Variants in IZUMO1 observed in about 807,000 individuals in gnomAD.
The protein encoded by IZUMO1 is izumo sperm-oocyte fusion 1.
IZUMO1 carries 44 observed loss-of-function variants against 40.7 expected under a neutral mutation model. That is an observed-to-expected ratio of 1.08 (90% CI 0.85 to 1.39). The LOEUF (loss-of-function observed/expected upper bound fraction) is 1.39, where lower values mean the gene tolerates loss of function less well. IZUMO1 is among the 40% of genes most tolerant of loss of function. The pLI, the probability that IZUMO1 is intolerant of heterozygous loss-of-function variation, is 0.00. For missense variants in IZUMO1, 368 were observed against 436.9 expected (o/e 0.84, Z 1.41); for synonymous variants, 149 against 170.9 (o/e 0.87, Z 1.00).
At position 48,741,224 on chromosome 19, in the gene IZUMO1, C is replaced by T. The variant is rs2033677471; in HGVS notation, c.932+77G>A. 3 of 1,470,814 alleles carry T rather than the reference C, an allele frequency of 2.0e-6. No homozygotes were observed. The highest frequency in any genetic ancestry group is 2.7e-6 in the Non-Finnish European group (3 of 1,103,986). The allele number at this position is 1,470,814 out of a possible 1,614,324, so 91.1% of individuals were successfully genotyped here. ...CTCTCAGGCCTCAGTAGCCCCCAGA[C>T]CAGCTTCTGTGTTGGGTTCCTGGAA... On this transcript the variant is annotated intron_variant, in intron 9 of 9. Transcript: ENST00000332955. The surrounding 1 kb of genome is among the most constrained non-coding windows in gnomAD (Gnocchi z 4.4).
Position 48,741,978 on chromosome 19 carries a change from G to T in IZUMO1, c.601-36C>A, listed in dbSNP as rs780482806. On this transcript the variant is annotated intron_variant, in intron 7 of 9. Coordinates refer to ENST00000332955, the MANE Select transcript of IZUMO1 (RefSeq NM_182575.3). The surrounding 1 kb of genome is among the most constrained non-coding windows in gnomAD (Gnocchi z 4.4). ...GCTCAAGGGGTCACTGAGGCCTGAG[G>T]AATTCAGGGGTTGGGGGAGTACAGG... 6.4e-7 allele frequency: 1 copy of T among 1,561,274 alleles called. No individual in the cohort carries two copies. The highest frequency in any genetic ancestry group is 8.7e-7 in the Non-Finnish European group (1 of 1,149,156).
chr19:48,741,002 T>C lies in IZUMO1; in HGVS notation c.959A>G (p.Asp320Gly). The change falls in exon 10 of 10, where the codon GAT becomes GGT. Residue 320 changes from aspartate to glycine, a missense_variant. Transcript: ENST00000332955. The surrounding 1 kb of genome is among the most constrained non-coding windows in gnomAD (Gnocchi z 4.4). ...GCCAAACAGTGAGGATTTGATGAAA[T>C]CGATCACCTTCCTTCGACGAAATAT... ...FAIFRRRKVI[D>G]FIKSSLFGLG... is the part of the protein sequence containing the mutation. 1 of 1,614,028 alleles carries C rather than the reference T, an allele frequency of 6.2e-7. No individual in the cohort carries two copies. The highest frequency in any genetic ancestry group is 8.5e-7 in the Non-Finnish European group (1 of 1,179,998).
Position 48,741,727 on chromosome 19 carries a change from C to A in IZUMO1, c.754+62G>T. ...CCCCATCGCCAAGGCCACGCCCCCG[C>A]CGCGGACCCCAGCTTTCCTGGGCCC... is the stretch of plus-strand genomic sequence containing the variant. On this transcript the variant is annotated intron_variant, in intron 8 of 9. Coordinates refer to ENST00000332955, the MANE Select transcript of IZUMO1 (RefSeq NM_182575.3). The surrounding 1 kb of genome is among the most constrained non-coding windows in gnomAD (Gnocchi z 4.4). 1.3e-6 allele frequency: 2 copies of A among 1,498,852 alleles called. No homozygotes were observed. Among genetic ancestry groups the A allele is most frequent in the Non-Finnish European group, 8.9e-7 (1 of 1,120,844 alleles). The allele number at this position is 1,498,852 out of a possible 1,614,324, so 92.8% of individuals were successfully genotyped here. A position where few individuals can be genotyped will look rare whatever the true frequency, so the allele number is the denominator to read the frequency against.
intron 6 of IZUMO1, chr19:48,743,235 C>G: frequency 1.7e-6 from 1 of 582,328 alleles, no homozygotes; most frequent in Admixed American, 3.0e-5. Context: ...GCTATGTTGC[C>G]CAGGCTGGTC....
intron 1 of IZUMO1, 152 bp from the exon 2 acceptor site, chr19:48,746,084 G>A (rs1458828476): frequency 3.6e-6 from 5 of 1,395,294 alleles, no homozygotes; most frequent in Non-Finnish European, 3.7e-6. Context: ...GTGAAACTGA[G>A]CCCCAATCCA....
intron 7 of IZUMO1, 46 bp downstream of exon 7, chr19:48,742,163 A>G (rs1282790358): frequency 6.6e-7 from 1 of 1,515,952 alleles, no homozygotes; most frequent in East Asian, 2.3e-5. Flanking sequence ...GAACACAAGT[A>G]TTGTAGTCTA....
intron 6 of IZUMO1, among the ~76,000 whole-genome samples, chr19:48,742,715 TTC>T (rs1293603180): frequency 2.8e-5 from 4 of 142,298 alleles, no homozygotes; most frequent in African/African-American, 7.9e-5. Context: ...TCTCTTTTCT[TTC>T]TCTCTCTCTT....
In IZUMO1 at chr19:48,743,228, A is replaced by AT. The variant is rs1234913130; in HGVS notation, c.499+216dup. 1.6e-5 allele frequency: 9 copies of AT among 574,352 alleles called. No individual in the cohort carries two copies. In the East Asian group the frequency reaches 2.6e-4, roughly 17 times the overall value. The allele number at this position is 574,352 out of a possible 1,614,324, so 35.6% of individuals were successfully genotyped here. ...TTTTTTGTAGAGATAGAGTCTCGCT[A>AT]TGTTGCCCAGGCTGGTCTCAAACTC... On this transcript the variant is annotated intron_variant, in intron 6 of 9. Transcript: ENST00000332955.
At chr19:48,743,714 C>T (rs912464909) in intron 5 of IZUMO1, 189 bp from the exon 6 acceptor site, 14 of 604,614 alleles carry the variant, frequency 2.3e-5, no homozygotes, top group Non-Finnish European at 3.5e-5. Context: ...AAGTAGAGGC[C>T]GGATGCGGTG....
At position 48,743,454 on chromosome 19, in the gene IZUMO1, C is replaced by G. The variant is rs770680743; in HGVS notation, c.490G>C (p.Asp164His). The part of the protein sequence containing the change: ...KEVHACRKSY[D>H]CGERNVEVPQ... ...GGTCCAGTTCTCTCACCCCCGCAATCGTAGGACTTTCGACAAGCGTGAACC... is the reference window on the plus strand; with the variant it reads ...GGTCCAGTTCTCTCACCCCCGCAATGGTAGGACTTTCGACAAGCGTGAACC... The change falls in exon 6 of 10, where the codon GAT becomes CAT. Residue 164 changes from aspartate to histidine, a missense_variant. Coordinates refer to ENST00000332955, the MANE Select transcript of IZUMO1 (RefSeq NM_182575.3). 1.2e-6 allele frequency: 2 copies of G among 1,614,124 alleles called. No individual in the cohort carries two copies. Among genetic ancestry groups the G allele is most frequent in the Non-Finnish European group, 1.7e-6 (2 of 1,180,004 alleles).
In IZUMO1 at chr19:48,746,769, C is replaced by G; in HGVS notation, c.-408G>C. 2 of 985,278 alleles carry G rather than the reference C, an allele frequency of 2.0e-6. No individual in the cohort carries two copies. Among genetic ancestry groups the G allele is most frequent in the Non-Finnish European group, 2.4e-6 (2 of 829,914 alleles). The allele number at this position is 985,278 out of a possible 1,614,324, so 61.0% of individuals were successfully genotyped here. ...GTAAAATCAAGGATTGTGTTGGGGA[C>G]GAGGGTAAGGTTGGTTGCGTGAAAT... On this transcript the variant is annotated 5_prime_UTR_variant, in exon 1 of 10. Transcript: ENST00000332955.
chr19:48,745,321 C>G, intron 2 of IZUMO1, 33 bp from the exon 3 acceptor site: 1 of 1,576,046 alleles, frequency 6.3e-7, no homozygotes, highest in African/African-American at 1.3e-5. Flanking sequence ...AGATTCCAGC[C>G]TTACTGTCTC....
intron 6 of IZUMO1, chr19:48,742,914 A>G (rs2122514761): frequency 6.5e-6 from 1 of 153,024 alleles, no homozygotes; most frequent in East Asian, 2.0e-4. Flanking sequence ...TTTTTAGTAC[A>G]AAAACGATGG....
chr19:48,744,557 C>G lies in IZUMO1; in HGVS notation c.311-18G>C, dbSNP rs1328811017. On this transcript the variant is annotated intron_variant, in intron 3 of 9. Coordinates refer to ENST00000332955, the MANE Select transcript of IZUMO1 (RefSeq NM_182575.3). ...GAGATCGCCTGGGAAGACACAGGAA[C>G]CCCCAATCCCACGTGTGAGGTGTTG... 3 of 1,565,166 alleles carry G rather than the reference C, an allele frequency of 1.9e-6. No homozygotes were observed. Among genetic ancestry groups the G allele is most frequent in the Non-Finnish European group, 2.6e-6 (3 of 1,135,764 alleles).
In IZUMO1 at chr19:48,745,779, C is replaced by T. The variant is rs2033867913; in HGVS notation, c.81G>A (p.Pro27=). Residue 27 remains proline, a synonymous_variant, in exon 2 of 10, where the codon CCG becomes CCA. Coordinates refer to ENST00000332955, the MANE Select transcript of IZUMO1 (RefSeq NM_182575.3). ...LPAEGCVICD[P]SVVLALKSLE... ...GGGACTTTAGCGCCAGCACGACAGA[C>T]GGGTCACATATAACACACCCCTCGG... is the stretch of plus-strand genomic sequence containing the variant. 6.2e-7 allele frequency: 1 copy of T among 1,614,192 alleles called. No homozygotes were observed. The highest frequency in any genetic ancestry group is 1.1e-5 in the South Asian group (1 of 91,086).
Position 48,745,217 on chromosome 19 carries a change from T to G in IZUMO1, c.307A>C (p.Lys103Gln), listed in dbSNP as rs1268041583. ...DLKRITDSDV[K>Q]GDLFVKELFW... ...CCCACCCCCTTGATGCATTTACCTT[T>G]TACATCACTGTCTGTGATGCGTTTC... The change falls in exon 3 of 10, where the codon AAA (lysine) becomes CAA (glutamine). Residue 103 changes from lysine (K) to glutamine (Q), a missense_variant. Coordinates refer to ENST00000332955, the MANE Select transcript of IZUMO1 (RefSeq NM_182575.3). The G allele has an allele frequency of 7.4e-6, 12 of 1,612,772 alleles. No individual in the cohort carries two copies. Among genetic ancestry groups the G allele is most frequent in the Non-Finnish European group, 1.0e-5 (12 of 1,178,932 alleles).
rs1226136381 is a variant in IZUMO1 at position 48,745,213 on chromosome 19, C to A, written c.310+1G>T. 8 of 1,612,746 alleles carry A rather than the reference C, an allele frequency of 5.0e-6. No homozygotes were observed. Among genetic ancestry groups the A allele is most frequent in the Non-Finnish European group, 6.8e-6 (8 of 1,178,906 alleles). On this transcript the variant is annotated splice_donor_variant, in intron 3 of 9. Transcript: ENST00000332955. LOFTEE classifies it high-confidence loss of function. ...GACTCCCACCCCCTTGATGCATTTA[C>A]CTTTTACATCACTGTCTGTGATGCG... is the stretch of plus-strand genomic sequence containing the variant.
At chr19:48,743,998 A>G in intron 5 of IZUMO1, 177 bp downstream of exon 5, 2 of 663,166 alleles carry the variant, frequency 3.0e-6, no homozygotes, top group Non-Finnish European at 5.4e-6. Context: ...CAAAAAAAAG[A>G]GTGTAAGTAG....
At position 48,743,490 on chromosome 19, in the gene IZUMO1, AGTTCTTG is replaced by A; in HGVS notation, c.447_453del (p.Lys150AlafsTer27). On this transcript the variant is annotated frameshift_variant, in exon 6 of 10. Coordinates refer to ENST00000332955, the MANE Select transcript of IZUMO1 (RefSeq NM_182575.3). LOFTEE classifies it high-confidence loss of function. ...CGACAAGCGTGAACCTCCTTTTTGC[AGTTCTTG>A]CACCAGATCAGAGTTTGCAACATCA... The A allele has an allele frequency of 6.2e-7, 1 of 1,614,060 alleles. No individual in the cohort carries two copies. The highest frequency in any genetic ancestry group is 2.2e-5 in the East Asian group (1 of 44,874).
Sources: allele counts gnomAD v4.1 joint callset (sites outside exome capture counted in the v4.1 genomes callset), GRCh38; gene constraint gnomAD v4.1.1; non-coding constraint Gnocchi (gnomAD v3.1); transcripts MANE v1.5; gene names NCBI Gene and HGNC (gene_info 2026-07-23, HGNC 2026-07-21).